Variants in ZSCAN20 observed in about 807,000 individuals in gnomAD.
The protein encoded by ZSCAN20 is zinc finger and SCAN domain containing 20, also known as zinc finger and SCAN domain-containing protein 20.
Under a neutral mutation model 97.1 loss-of-function variants are expected in ZSCAN20, and 39 were observed. That is an observed-to-expected ratio of 0.40 (90% CI 0.31 to 0.52). The LOEUF (loss-of-function observed/expected upper bound fraction) is 0.52. Among genes scored for constraint, ZSCAN20 ranks in the 20% least tolerant of loss-of-function variants. The pLI is 0.49. For missense variants in ZSCAN20, 1,115 were observed against 1,290.4 expected (o/e 0.86, Z 2.08); for synonymous variants, 456 against 467.3 (o/e 0.98, Z 0.31).
chr1:33,492,853 AT>A (rs1475003202), intron 6 of ZSCAN20, among the ~76,000 whole-genome samples: 2 of 152,026 alleles, frequency 1.3e-5, no homozygotes, highest in Non-Finnish European at 2.9e-5. Flanking sequence ...GGAAAATCAC[AT>A]GCATCCCAAT....
At chr1:33,475,223 T>A (rs1651875506) in intron 1 of ZSCAN20, among the ~76,000 whole-genome samples, 1 of 152,218 alleles carries the variant, frequency 6.6e-6, no homozygotes, top group African/African-American at 2.4e-5. Flanking sequence ...CTCTACCACT[T>A]GCTAGTTGTG....
chr1:33,489,527 G>A lies in ZSCAN20; in HGVS notation c.691G>A (p.Gly231Ser), dbSNP rs757549598. 6.2e-7 allele frequency: 1 copy of A among 1,614,040 alleles called. No homozygotes were observed. Among genetic ancestry groups the A allele is most frequent in the Non-Finnish European group, 8.5e-7 (1 of 1,180,002 alleles). ...EVTAESQEAL[G>S]PGKHAEKELC... ...CTTGTGCATCTCGCAGGAAGCCCTG[G>A]GCCCTGGCAAACATGCTGAGAAGGA... The change falls in exon 5 of 8, where the codon GGC becomes AGC. Residue 231 changes from glycine to serine, a missense_variant. Gly to Ser is a moderately conservative substitution (Grantham distance 56). This residue lies in a region of ZSCAN20 where 508 missense variants were observed against 611.2 expected (regional missense o/e 0.83). Transcript: ENST00000684572.
At chr1:33,481,996 G>C (rs547747813) in intron 2 of ZSCAN20, among the ~76,000 whole-genome samples, 39 of 152,248 alleles carry the variant, frequency 2.6e-4, no homozygotes, top group African/African-American at 9.4e-4. Context: ...CCCTGCACCA[G>C]AGCAATATGT....
chr1:33,484,025 G>A (rs1590431), intron 2 of ZSCAN20, among the ~76,000 whole-genome samples: 117,617 of 152,170 alleles, frequency 0.77, 45,807 homozygotes, highest in African/African-American at 0.84. Context: ...ATAGGAAGGC[G>A]ATTGACTTTT....
chr1:33,486,313 A>C (rs1265097011), intron 2 of ZSCAN20, among the ~76,000 whole-genome samples: 1 of 152,204 alleles, frequency 6.6e-6, no homozygotes, highest in African/African-American at 2.4e-5. Context: ...CTGACCTTCC[A>C]GCAGTTCATC....
chr1:33,482,395 C>T (rs1331720759), intron 2 of ZSCAN20, among the ~76,000 whole-genome samples: 1 of 152,212 alleles, frequency 6.6e-6, no homozygotes, highest in East Asian at 1.9e-4. Context: ...CTTTTCATGG[C>T]TTGTTAGCTC....
intron 2 of ZSCAN20, among the ~76,000 whole-genome samples, chr1:33,487,272 G>GA (rs1297728746): frequency 6.6e-6 from 1 of 151,990 alleles, no homozygotes; most frequent in African/African-American, 2.4e-5. Flanking sequence ...ATTATCTATT[G>GA]AAAAAAATTG....
At chr1:33,480,813 A>G (rs1652126558) in intron 2 of ZSCAN20, among the ~76,000 whole-genome samples, 1 of 152,252 alleles carries the variant, frequency 6.6e-6, no homozygotes, top group African/African-American at 2.4e-5. Flanking sequence ...TAATTTTGCT[A>G]TGACACACAT....
Position 33,491,194 on chromosome 1 carries a change from C to T in ZSCAN20, c.936C>T (p.Tyr312=), listed in dbSNP as rs773379280. The change falls in exon 6 of 8, where the codon TAC becomes TAT. Residue 312 remains tyrosine (Y), a synonymous_variant. Transcript: ENST00000684572. The surrounding 1 kb of genome is among the most constrained non-coding windows in gnomAD (Gnocchi z 4.3). ...ATTCAAGAGCCTGGGAGGAACAATA[C>T]CAGTGGGATGTGGAGGACATGAAGG... ...WRDSRAWEEQ[Y]QWDVEDMKVS... 6.2e-7 allele frequency: 1 copy of T among 1,614,108 alleles called. No individual in the cohort carries two copies. Among genetic ancestry groups the T allele is most frequent in the South Asian group, 1.1e-5 (1 of 91,074 alleles).
chr1:33,490,878 C>T, intron 5 of ZSCAN20, 147 bp from the exon 6 acceptor site: 1 of 687,214 alleles, frequency 1.5e-6, no homozygotes, highest in Non-Finnish European at 2.4e-6. Context: ...TCTTCTCTCT[C>T]CCTATTCCTG....
Position 33,494,344 on chromosome 1 carries a change from GTGAAAA to G in ZSCAN20, c.2011_2016del (p.Asn671_Glu672del), listed in dbSNP as rs772278328. The stretch of plus-strand genomic sequence containing the variant: ...CAACCTCTTGACTGGGGAGAAGACA[GTGAAAA>G]TGAAAATGAAGATGAAGGGCAGTGG... On this transcript the variant is annotated inframe_deletion, in exon 8 of 8. Transcript: ENST00000684572. 1.9e-6 allele frequency: 3 copies of G among 1,614,068 alleles called. No individual in the cohort carries two copies. The South Asian group carries it at 3.3e-5, about 18-fold the overall frequency.
chr1:33,481,510 A>G (rs115128389), intron 2 of ZSCAN20, among the ~76,000 whole-genome samples: 7 of 152,208 alleles, frequency 4.6e-5, no homozygotes, highest in African/African-American at 1.7e-4. Context: ...AAACTTTCCT[A>G]CCTGCTCCTG....
chr1:33,483,277 T>C (rs1652225319), intron 2 of ZSCAN20, among the ~76,000 whole-genome samples: 1 of 150,910 alleles, frequency 6.6e-6, no homozygotes, highest in Non-Finnish European at 1.5e-5. Context: ...CATGTGGATG[T>C]CCAGTTTTAG....
intron 2 of ZSCAN20, among the ~76,000 whole-genome samples, chr1:33,484,781 C>T (rs1171383536): frequency 6.6e-6 from 1 of 151,926 alleles, no homozygotes; most frequent in Non-Finnish European, 1.5e-5. Context: ...GCAACCACAC[C>T]CAGCTGATTT....
At chr1:33,477,843 A>G (rs1007839959) in intron 1 of ZSCAN20, among the ~76,000 whole-genome samples, 1 of 151,780 alleles carries the variant, frequency 6.6e-6, no homozygotes, top group Non-Finnish European at 1.5e-5. Flanking sequence ...GATCTGGGCT[A>G]TGGTAGAGAA....
At chr1:33,480,307 A>C (rs1023481267) in intron 2 of ZSCAN20, among the ~76,000 whole-genome samples, 12 of 152,168 alleles carry the variant, frequency 7.9e-5, no homozygotes, top group Admixed American at 5.2e-4. Flanking sequence ...TCAGGAGTTC[A>C]AGACCAGCCT....
chr1:33,487,042 T>C (rs1239381564), intron 2 of ZSCAN20, among the ~76,000 whole-genome samples: 1 of 152,208 alleles, frequency 6.6e-6, no homozygotes, highest in Non-Finnish European at 1.5e-5. Flanking sequence ...GCAGTATATC[T>C]AGTCATAAGT....
At chr1:33,478,834 C>T (rs1465789631) in intron 1 of ZSCAN20, among the ~76,000 whole-genome samples, 1 of 152,088 alleles carries the variant, frequency 6.6e-6, no homozygotes, top group Non-Finnish European at 1.5e-5. Context: ...GGATGCCAGG[C>T]TAAGGTGTTC....
At position 33,493,096 on chromosome 1, in the gene ZSCAN20, T is replaced by C. The variant is rs992538124; in HGVS notation, c.1445-91T>C. 93 of 1,305,304 alleles carry C rather than the reference T, an allele frequency of 7.1e-5. No individual in the cohort carries two copies. Among genetic ancestry groups the C allele is most frequent in the Non-Finnish European group, 5.3e-5 (49 of 932,550 alleles). 80.9% of individuals were successfully genotyped at this position (1,305,304 alleles called of 1,614,324 possible). A position where few individuals can be genotyped will look rare whatever the true frequency, so the allele number is the denominator to read the frequency against. ...GATAGTTTCTGACATGCCTATGTTC[T>C]AGGTATTTTGAAGGGCAGGTGACTT... is the stretch of plus-strand genomic sequence containing the variant. On this transcript the variant is annotated intron_variant, in intron 6 of 7. Transcript: ENST00000684572. This position sits in a 1 kb window ranked among gnomAD's most constrained non-coding sequence, Gnocchi z 4.3.
Sources: allele counts gnomAD v4.1 joint callset (sites outside exome capture counted in the v4.1 genomes callset), GRCh38; gene constraint gnomAD v4.1.1; regional missense constraint gnomAD v4.1.1; non-coding constraint Gnocchi (gnomAD v3.1); transcripts MANE v1.5; gene names NCBI Gene and HGNC (gene_info 2026-07-23, HGNC 2026-07-21).